USP32: variants seen among roughly 807,000 people sequenced by gnomAD.
USP32 encodes ubiquitin specific peptidase 32.
Under a neutral mutation model 204.8 loss-of-function variants are expected in USP32, and 59 were observed. That is an observed-to-expected ratio of 0.29 (90% CI 0.23 to 0.36). USP32 has a LOEUF of 0.36. Among genes scored for constraint, USP32 ranks in the 10% least tolerant of loss-of-function variants. The probability of loss-of-function intolerance (pLI) is 1.00; values close to 1 mark genes in which losing one functional copy is unlikely to be tolerated. For missense variants in USP32, 1,160 were observed against 1,946.4 expected, an observed-to-expected ratio of 0.60 and a Z score of 7.60; for synonymous variants, 517 against 678.4, an observed-to-expected ratio of 0.76 and a Z score of 3.70.
upstream of USP32, chr17:60,392,243 C>G (rs1248781665): frequency 6.6e-6 from 3 of 452,552 alleles, no homozygotes; most frequent in Non-Finnish European, 7.9e-6. Flanking sequence ...CCGCCCCCTC[C>G]CGCCAGCTCC....
intron 1 of USP32, among the ~76,000 whole-genome samples, chr17:60,391,435 G>C (rs2089831415): frequency 6.6e-6 from 1 of 152,184 alleles, no homozygotes; most frequent in African/African-American, 2.4e-5. Flanking sequence ...AGAGAGGAGC[G>C]CTTTGCAGCC....
At chr17:60,193,744 T>G (rs1346718063) in intron 27 of USP32, among the ~76,000 whole-genome samples, 1 of 152,102 alleles carries the variant, frequency 6.6e-6, no homozygotes, top group Non-Finnish European at 1.5e-5. Flanking sequence ...TTGAAGGTAA[T>G]GAAACCATGA....
At chr17:60,373,686 A>C (rs897513667) in intron 1 of USP32, among the ~76,000 whole-genome samples, 25 of 151,920 alleles carry the variant, frequency 1.6e-4, no homozygotes, top group African/African-American at 6.0e-4. Context: ...CCTGGCCTCA[A>C]ATGATCCACC....
At chr17:60,211,870 A>G (rs2084976391) in intron 19 of USP32, among the ~76,000 whole-genome samples, 154 bp downstream of exon 19, 1 of 151,978 alleles carries the variant, frequency 6.6e-6, no homozygotes, top group Non-Finnish European at 1.5e-5. Context: ...GTTTGCCAAC[A>G]TCAAATGCTG....
intron 25 of USP32, among the ~76,000 whole-genome samples, chr17:60,206,227 G>A (rs1370556631): frequency 6.9e-6 from 1 of 145,710 alleles, no homozygotes; most frequent in Non-Finnish European, 1.5e-5. Flanking sequence ...TGAGGTGGGA[G>A]GATTGCTTCA....
chr17:60,255,361 G>A (rs929267214), intron 9 of USP32, 103 bp from the exon 10 acceptor site: 11 of 836,198 alleles, frequency 1.3e-5, no homozygotes, highest in East Asian at 1.2e-4. Context: ...GCAATGGCAC[G>A]ATCTTGGCTC....
chr17:60,329,094 T>C (rs1277536195), intron 2 of USP32, among the ~76,000 whole-genome samples: 1 of 152,202 alleles, frequency 6.6e-6, no homozygotes, highest in Admixed American at 6.5e-5. Flanking sequence ...AAAGATGCTG[T>C]AACAACACTG....
intron 9 of USP32, among the ~76,000 whole-genome samples, chr17:60,258,573 T>C (rs2086374882): frequency 1.3e-5 from 2 of 152,250 alleles, no homozygotes; most frequent in Non-Finnish European, 2.9e-5. Flanking sequence ...TAAGATGCCT[T>C]GAATTGTAGG....
At chr17:60,210,966 A>C (rs1261440276) in intron 21 of USP32, 47 bp downstream of exon 21, 1 of 1,540,972 alleles carries the variant, frequency 6.5e-7, no homozygotes, top group Non-Finnish European at 8.7e-7. Context: ...AAATGATTAA[A>C]CAACTATTAG....
chr17:60,201,489 T>C (rs1309797023), intron 26 of USP32, among the ~76,000 whole-genome samples: 1 of 151,848 alleles, frequency 6.6e-6, no homozygotes, highest in Non-Finnish European at 1.5e-5. Context: ...ATTAAAATTA[T>C]TTATAATTAA....
At chr17:60,272,752 A>C (rs1200017700) in intron 5 of USP32, among the ~76,000 whole-genome samples, 24 of 152,204 alleles carry the variant, frequency 1.6e-4, no homozygotes, top group Admixed American at 1.6e-3. Context: ...AGGGATGAGT[A>C]CTGTAAGCAG....
chr17:60,255,122 GTAGAA>G (rs2086263538), intron 10 of USP32, 48 bp downstream of exon 10: 3 of 1,292,976 alleles, frequency 2.3e-6, no homozygotes, highest in Non-Finnish European at 3.3e-6. Context: ...TGGAAAAGAT[GTAGAA>G]GTACTGGTAC....
chr17:60,402,246 CT>C (rs761342227), intron 1 of USP32, among the ~76,000 whole-genome samples: 14,798 of 118,424 alleles, frequency 0.12, 1,749 homozygotes, highest in African/African-American at 0.33. Flanking sequence ...CCTCATTTAT[CT>C]TTTTTTTTTT....
intron 2 of USP32, among the ~76,000 whole-genome samples, chr17:60,344,958 C>T (rs932746875): frequency 3.9e-5 from 6 of 152,038 alleles, no homozygotes; most frequent in African/African-American, 9.7e-5. Context: ...ACAGTGGCGC[C>T]GGTTAAACAT....
chr17:60,416,089 C>A (rs953433932), intron 1 of USP32, among the ~76,000 whole-genome samples: 9 of 152,096 alleles, frequency 5.9e-5, no homozygotes, highest in Non-Finnish European at 5.9e-5. Context: ...CTGCCCGCGT[C>A]GGCCTCCCAA....
chr17:60,198,509 T>C, intron 26 of USP32, 65 bp from the exon 27 acceptor site: 1 of 1,568,906 alleles, frequency 6.4e-7, no homozygotes, highest in Admixed American at 2.0e-5. Flanking sequence ...CCTTTAGTTC[T>C]TCTAAATGCC....
In USP32 at chr17:60,294,786, A is replaced by C; in HGVS notation, c.308T>G (p.Phe103Cys). The C allele has an allele frequency of 1.2e-6, 2 of 1,604,886 alleles. No individual in the cohort carries two copies. The highest frequency in any genetic ancestry group is 1.7e-6 in the Non-Finnish European group (2 of 1,173,642). The change falls in exon 4 of 34, where the codon TTT (phenylalanine) becomes TGT (cysteine). Residue 103 changes from phenylalanine to cysteine, a missense_variant. Physicochemically the swap from Phe to Cys is radical, Grantham distance 205. Around this residue, in one of 8 missense-constraint regions of USP32, gnomAD observed 536 missense variants for 680.9 expected, o/e 0.79. Transcript: ENST00000300896. ...AACATAGTTCCCAGATTCACTTGAA[A>C]AAAGACTAAAAATGTCTAAGAAAAA... is the stretch of plus-strand genomic sequence containing the variant. ...EEKAKYIFSL[F>C]SSESGNYVIR...
At chr17:60,204,466 CTTTT>C (rs748141290) in intron 26 of USP32, among the ~76,000 whole-genome samples, 5 of 129,406 alleles carry the variant, frequency 3.9e-5, no homozygotes, top group African/African-American at 1.1e-4. Flanking sequence ...TTAGGAGATA[CTTTT>C]TTTTTTTTTT....
intron 12 of USP32, among the ~76,000 whole-genome samples, 181 bp downstream of exon 12, chr17:60,235,957 A>T (rs2085712985): frequency 6.6e-6 from 1 of 152,232 alleles, no homozygotes; most frequent in Admixed American, 6.5e-5. Flanking sequence ...GTGGAAGTGT[A>T]ATCACAAAGC....
Sources: allele counts gnomAD v4.1 joint callset (sites outside exome capture counted in the v4.1 genomes callset), GRCh38; gene constraint gnomAD v4.1.1; regional missense constraint gnomAD v4.1.1; transcripts MANE v1.5; gene names NCBI Gene and HGNC (gene_info 2026-07-23, HGNC 2026-07-21).